DIS3L: variants seen among roughly 807,000 people sequenced by gnomAD.
The protein encoded by DIS3L is DIS3 like exosome 3'-5' exoribonuclease.
Under a neutral mutation model 120.3 loss-of-function variants are expected in DIS3L, and 100 were observed. The ratio of observed to expected loss-of-function variants is 0.83; its 90% CI spans 0.71 to 0.98. DIS3L has a LOEUF of 0.98. Among genes scored for constraint, DIS3L ranks in the 50% least tolerant of loss-of-function variants. DIS3L has a pLI of 0.00. For missense variants in DIS3L, 1,196 were observed against 1,314.2 expected, an observed-to-expected ratio of 0.91 and a Z score of 1.39; for synonymous variants, 426 against 470.6, an observed-to-expected ratio of 0.91 and a Z score of 1.23.
At chr15:66,329,149 G>T in intron 13 of DIS3L, 25 bp downstream of exon 13, 1 of 1,598,616 alleles carries the variant, frequency 6.3e-7, no homozygotes, top group Non-Finnish European at 8.5e-7. Flanking sequence ...ATTCCTATGT[G>T]TGGCTGTAAC....
upstream of DIS3L, chr15:66,293,413 A>C: frequency 3.6e-6 from 4 of 1,121,232 alleles, no homozygotes; most frequent in Non-Finnish European, 3.3e-6. Flanking sequence ...CACTGAGGGA[A>C]GGGAAGAAAC....
intron 12 of DIS3L, among the ~76,000 whole-genome samples, chr15:66,327,016 G>A (rs1372672397): frequency 1.3e-5 from 2 of 150,514 alleles, no homozygotes; most frequent in Non-Finnish European, 3.0e-5. Flanking sequence ...TGCAACCTCC[G>A]CCTCCCAGGT....
chr15:66,331,910 C>T lies in DIS3L; in HGVS notation c.2571C>T (p.Leu857=). ...ATTCTCAGAAGCAGTCTACTGAGCT[C>T]TTCCAGTGCATGTACTTCAAAGACA... ...AQHSQKQSTE[L]FQCMYFKDKD... Residue 857 remains leucine (L), a synonymous_variant, in exon 15 of 17, where the codon CTC becomes CTT. Transcript: ENST00000319212. 1.2e-6 allele frequency: 2 copies of T among 1,612,638 alleles called. No homozygotes were observed. Among genetic ancestry groups the T allele is most frequent in the Non-Finnish European group, 1.7e-6 (2 of 1,179,228 alleles).
intron 4 of DIS3L, among the ~76,000 whole-genome samples, chr15:66,309,214 T>C (rs536283074): frequency 2.9e-4 from 43 of 149,514 alleles, no homozygotes; most frequent in African/African-American, 1.0e-3. Context: ...AACACACCAC[T>C]GTACTAATGC....
intron 12 of DIS3L, among the ~76,000 whole-genome samples, chr15:66,327,616 G>T (rs924330705): frequency 6.6e-6 from 1 of 151,826 alleles, no homozygotes; most frequent in African/African-American, 2.4e-5. Flanking sequence ...AATTAGCCAG[G>T]TGCTGTAATC....
chr15:66,317,967 T>G (rs1010237019), intron 7 of DIS3L, among the ~76,000 whole-genome samples: 2 of 152,126 alleles, frequency 1.3e-5, no homozygotes, highest in African/African-American at 4.8e-5. Flanking sequence ...GTGTGTGTTT[T>G]GGTTTTTGTT....
chr15:66,311,429 C>T (rs1027568164), intron 4 of DIS3L, among the ~76,000 whole-genome samples: 14 of 152,116 alleles, frequency 9.2e-5, no homozygotes, highest in Non-Finnish European at 1.5e-4. Context: ...GCTGCCTGGA[C>T]GTGCGCAGGT....
intron 3 of DIS3L, 37 bp from the exon 4 acceptor site, chr15:66,308,672 T>C: frequency 6.3e-7 from 1 of 1,583,666 alleles, no homozygotes. Flanking sequence ...TGTGTTTGTC[T>C]GCCTGGGGAG....
At chr15:66,313,797 A>ATG (rs891313470) in intron 5 of DIS3L, among the ~76,000 whole-genome samples, 1 of 140,530 alleles carries the variant, frequency 7.1e-6, no homozygotes, top group African/African-American at 2.5e-5. Flanking sequence ...GTGTATATAT[A>ATG]TATGTGTGTG....
chr15:66,303,817 C>A (rs905608165), intron 2 of DIS3L, among the ~76,000 whole-genome samples: 1 of 151,984 alleles, frequency 6.6e-6, no homozygotes, highest in Non-Finnish European at 1.5e-5. Context: ...GTAGGCCGGG[C>A]GCGGTGGCTC....
At chr15:66,326,685 C>T (rs368415242) in intron 12 of DIS3L, 12 of 219,086 alleles carry the variant, frequency 5.5e-5, no homozygotes, top group Admixed American at 3.7e-4. Flanking sequence ...GTTCAAGTGA[C>T]TCTCCTGCCT....
intron 4 of DIS3L, among the ~76,000 whole-genome samples, chr15:66,309,459 T>C (rs950825080): frequency 6.6e-6 from 1 of 152,122 alleles, no homozygotes; most frequent in Non-Finnish European, 1.5e-5. Flanking sequence ...AATATTCTTA[T>C]TGTTGACCTA....
Position 66,318,526 on chromosome 15 carries a change from C to G in DIS3L, c.1072C>G (p.Gln358Glu). Residue 358 changes from glutamine to glutamate, a missense_variant, in exon 8 of 17, where the codon CAG becomes GAG. Transcript: ENST00000319212. ...TFPSKEEVQS[Q>E]GKNAQKILVT... ...TCCGTCCAAAGAAGAGGTCCAATCT[C>G]AGGGCAAAAATGCTCAGAAAATCCT... 10 of 1,614,028 alleles carry G rather than the reference C, an allele frequency of 6.2e-6. No homozygotes were observed. Among genetic ancestry groups the G allele is most frequent in the Admixed American group, 1.7e-5 (1 of 60,000 alleles).
chr15:66,308,928 A>C, intron 4 of DIS3L, 84 bp downstream of exon 4: 4 of 1,452,560 alleles, frequency 2.8e-6, no homozygotes. Flanking sequence ...TAACACAGAA[A>C]AGAGAAAAGA....
intron 7 of DIS3L, among the ~76,000 whole-genome samples, chr15:66,316,187 C>T (rs929286590): frequency 2.8e-4 from 42 of 152,298 alleles, no homozygotes; most frequent in African/African-American, 9.4e-4. Flanking sequence ...TCAGACTTAA[C>T]GTGTCCCACA....
At chr15:66,310,809 G>A (rs1294538149) in intron 4 of DIS3L, among the ~76,000 whole-genome samples, 1 of 152,122 alleles carries the variant, frequency 6.6e-6, no homozygotes, top group African/African-American at 2.4e-5. Context: ...CTACCCCTCA[G>A]ACTTAAAGTT....
chr15:66,314,216 T>G, intron 6 of DIS3L, 99 bp downstream of exon 6: 1 of 929,486 alleles, frequency 1.1e-6, no homozygotes, highest in Non-Finnish European at 1.5e-6. Flanking sequence ...ATATGTGCCC[T>G]GTTATGTATG....
In DIS3L at chr15:66,320,646, T is replaced by A; in HGVS notation, c.1240T>A (p.Leu414Ile). ...VYPNGHFVRVLGRIGDLEGEI... is the reference protein window; with the variant it reads ...VYPNGHFVRVIGRIGDLEGEI... Reference sequence around the variant, plus strand: ...TCCAAATGGACATTTTGTGCGTGTTTTAGGAAGAATCGGAGATCTGGAAGG... The same window carrying A: ...TCCAAATGGACATTTTGTGCGTGTTATAGGAAGAATCGGAGATCTGGAAGG... Residue 414 changes from leucine (L) to isoleucine (I), a missense_variant, in exon 9 of 17, where the codon TTA becomes ATA. By Grantham distance (5) the Leu-to-Ile change is conservative. Coordinates refer to ENST00000319212, the MANE Select transcript of DIS3L (RefSeq NM_001143688.3). 6.2e-7 allele frequency: 1 copy of A among 1,614,172 alleles called. No homozygotes were observed. The highest frequency in any genetic ancestry group is 8.5e-7 in the Non-Finnish European group (1 of 1,180,006).
chr15:66,302,985 C>G (rs924225812), intron 2 of DIS3L, among the ~76,000 whole-genome samples: 2 of 152,152 alleles, frequency 1.3e-5, no homozygotes, highest in African/African-American at 4.8e-5. Context: ...GTCTCCCCTC[C>G]TTGGCCCCTA....
Sources: gnomAD v4.1 joint callset for allele counts (sites outside exome capture counted in the v4.1 genomes callset) on GRCh38, gnomAD v4.1.1 for gene constraint, MANE v1.5 for transcripts, NCBI Gene and HGNC (gene_info 2026-07-23, HGNC 2026-07-21) for gene names.